Variants in TRPV5 observed in about 807,000 individuals in gnomAD.
The protein encoded by TRPV5 is calcium transport protein 2.
TRPV5 carries 66 observed loss-of-function variants against 74.1 expected under a neutral mutation model. The ratio of observed to expected loss-of-function variants is 0.89; its 90% CI spans 0.73 to 1.09. The LOEUF (loss-of-function observed/expected upper bound fraction) is 1.09. Ranked by LOEUF, TRPV5 falls within the 50% of genes least tolerant of loss-of-function variation. The probability of loss-of-function intolerance (pLI) is 0.00; values close to 1 mark genes in which losing one functional copy is unlikely to be tolerated. For synonymous variants in TRPV5, 399 were observed against 360.7 expected, an observed-to-expected ratio of 1.11 and a Z score of -1.20; for missense variants, 936 against 930.4, an observed-to-expected ratio of 1.01 and a Z score of -0.08.
Position 142,933,687 on chromosome 7 carries a change from T to C in TRPV5, c.-228A>G, listed in dbSNP as rs1586233118. 1 of 579,828 alleles carries C rather than the reference T, an allele frequency of 1.7e-6. No homozygotes were observed. Among genetic ancestry groups the C allele is most frequent in the African/African-American group, 1.9e-5 (1 of 52,798 alleles). 35.9% of individuals were successfully genotyped at this position (579,828 alleles called of 1,614,324 possible). ...ACAGTGTGTGGCTGTGGTGTATGTG[T>C]GTGCATGCAGTGTGTGGTTGTGAGG... On this transcript the variant is annotated 5_prime_UTR_variant, in exon 1 of 15. Transcript: ENST00000265310.
In TRPV5 at chr7:142,925,510, C is replaced by G. The variant is rs751384098; in HGVS notation, c.1122+19G>C. The G allele has an allele frequency of 6.2e-7, 1 of 1,612,980 alleles. No homozygotes were observed. Among genetic ancestry groups the G allele is most frequent in the Admixed American group, 1.7e-5 (1 of 60,012 alleles). ...CCCCTTGATGCAATTCTCTCTCATCCCCTTCTGAGGAGAATCACCTGTAGT... is the reference window on the plus strand; with the variant it reads ...CCCCTTGATGCAATTCTCTCTCATCGCCTTCTGAGGAGAATCACCTGTAGT... On this transcript the variant is annotated intron_variant, in intron 8 of 14. Transcript: ENST00000265310.
intron 1 of TRPV5, among the ~76,000 whole-genome samples, chr7:142,931,699 T>TTTTA (rs1408075148): frequency 1.3e-5 from 2 of 152,126 alleles, no homozygotes; most frequent in Admixed American, 1.3e-4. Flanking sequence ...AGTGTTTTTA[T>TTTTA]TTTATTTATT....
intron 13 of TRPV5, among the ~76,000 whole-genome samples, chr7:142,911,252 A>T (rs1022443374): frequency 6.6e-6 from 1 of 152,218 alleles, no homozygotes; most frequent in Non-Finnish European, 1.5e-5. Flanking sequence ...GATGTAATGT[A>T]TAAGATGTGG....
In TRPV5 at chr7:142,930,045, G is replaced by A; in HGVS notation, c.349+13C>T. ...CAAAGTTTCCACCTTGAATTACCAT[G>A]TAGGCTCCTTACCTGCAAAAGCCTC... On this transcript the variant is annotated intron_variant, in intron 3 of 14. Transcript: ENST00000265310. 1.9e-6 allele frequency: 3 copies of A among 1,613,854 alleles called. No individual in the cohort carries two copies. The highest frequency in any genetic ancestry group is 2.5e-6 in the Non-Finnish European group (3 of 1,179,922).
intron 8 of TRPV5, among the ~76,000 whole-genome samples, chr7:142,917,783 G>T (rs118171413): frequency 6.6e-6 from 1 of 152,168 alleles, no homozygotes; most frequent in Non-Finnish European, 1.5e-5. Flanking sequence ...AGGCTGCAAA[G>T]TGCCACAGAC....
Position 142,930,441 on chromosome 7 carries a change from A to T in TRPV5, c.134T>A (p.Leu45Gln). The T allele has an allele frequency of 6.2e-7, 1 of 1,613,676 alleles. No individual in the cohort carries two copies. The highest frequency in any genetic ancestry group is 8.5e-7 in the Non-Finnish European group (1 of 1,179,512). Residue 45 changes from leucine (L) to glutamine (Q), a missense_variant, in exon 2 of 15, where the codon CTA (leucine) becomes CAA (glutamine). Leu to Gln is a moderately radical substitution (Grantham distance 113). Transcript: ENST00000265310. ...GGATGCTCGAAGCAGTGGAGACTCT[A>T]GAATCCTGGGGAAAGGTGAACGTGA... is the stretch of plus-strand genomic sequence containing the variant. ...KLHMLQQKRI[L>Q]ESPLLRASKE... is the part of the protein sequence containing the mutation.
chr7:142,933,251 G>A, intron 1 of TRPV5, 81 bp downstream of exon 1: 5 of 1,556,528 alleles, frequency 3.2e-6, no homozygotes, highest in African/African-American at 1.4e-5. Flanking sequence ...CTAGGGTGCT[G>A]TATTCGGAAA....
chr7:142,924,352 AG>A (rs1795943937), intron 8 of TRPV5, among the ~76,000 whole-genome samples: 1 of 3,398 alleles, frequency 2.9e-4, no homozygotes, highest in Non-Finnish European at 7.7e-4. Context: ...ATATATATAT[AG>A]ACATATACAT....
chr7:142,916,263 T>G (rs1586217462), intron 8 of TRPV5, among the ~76,000 whole-genome samples: 1 of 152,188 alleles, frequency 6.6e-6, no homozygotes, highest in Non-Finnish European at 1.5e-5. Context: ...AGAGACACTA[T>G]GAGGAAGGGT....
Position 142,933,428 on chromosome 7 carries a change from G to A in TRPV5, c.32C>T (p.Pro11Leu), listed in dbSNP as rs749997927. The A allele has an allele frequency of 4.3e-6, 7 of 1,613,970 alleles. No individual in the cohort carries two copies. Among genetic ancestry groups the A allele is most frequent in the Non-Finnish European group, 5.1e-6 (6 of 1,179,998 alleles). Residue 11 changes from proline (P) to leucine (L), a missense_variant, in exon 1 of 15, where the codon CCC becomes CTC. Coordinates refer to ENST00000265310, the MANE Select transcript of TRPV5 (RefSeq NM_019841.7). ...CAGAAGTTTCTGGAGTTGGCTCCCG[G>A]GCCCTTCTGCCTTAGGTAGAAAACC... MGGFLPKAEG[P>L]GSQLQKLLPS...
Position 142,933,704 on chromosome 7 carries a change from G to C in TRPV5, c.-245C>G. On this transcript the variant is annotated 5_prime_UTR_variant, in exon 1 of 15. Coordinates refer to ENST00000265310, the MANE Select transcript of TRPV5 (RefSeq NM_019841.7). The stretch of plus-strand genomic sequence containing the variant: ...TGTATGTGTGTGCATGCAGTGTGTG[G>C]TTGTGAGGTGGTGTGTGTGCATGCA... 1.9e-6 allele frequency: 1 copy of C among 519,720 alleles called. No homozygotes were observed. The allele number at this position is 519,720 out of a possible 1,614,324, so 32.2% of individuals were successfully genotyped here. A position where few individuals can be genotyped will look rare whatever the true frequency, so the allele number is the denominator to read the frequency against.
At chr7:142,930,309 C>T in intron 2 of TRPV5, 40 bp downstream of exon 2, 2 of 1,609,356 alleles carry the variant, frequency 1.2e-6, no homozygotes, top group East Asian at 2.2e-5. Flanking sequence ...GGAGTAGGTT[C>T]TTCTGCCCCC....
chr7:142,908,431 A>C lies in TRPV5; in HGVS notation c.*83T>G, dbSNP rs1289273443. On this transcript the variant is annotated 3_prime_UTR_variant, in exon 15 of 15. Transcript: ENST00000265310. ...CATGATTAACAGGCACAGAAGTTAG[A>C]CACTTGCATAGGCAGAGGTCTCCGT... 7 of 1,466,790 alleles carry C rather than the reference A, an allele frequency of 4.8e-6. No homozygotes were observed. Among genetic ancestry groups the C allele is most frequent in the Non-Finnish European group, 6.6e-6 (7 of 1,065,400 alleles). 90.9% of individuals were successfully genotyped at this position (1,466,790 alleles called of 1,614,324 possible).
In TRPV5 at chr7:142,928,247, C is replaced by G. The variant is rs1796021488; in HGVS notation, c.763-13G>C. 1.2e-6 allele frequency: 2 copies of G among 1,614,086 alleles called. No homozygotes were observed. The highest frequency in any genetic ancestry group is 2.7e-5 in the African/African-American group (2 of 75,030). On this transcript the variant is annotated splice_polypyrimidine_tract_variant and intron_variant, in intron 6 of 14. Transcript: ENST00000265310. ...GGTGCTGGAACATCTGAGAGACCAC[C>G]AGGATGAGTCAGGGGGCCAACGTGT...
At chr7:142,929,377 C>T in intron 4 of TRPV5, 51 bp downstream of exon 4, 1 of 1,596,128 alleles carries the variant, frequency 6.3e-7, no homozygotes, top group Non-Finnish European at 8.6e-7. Context: ...CCTCCCTCTG[C>T]CTTGCCCGCC....
chr7:142,915,388 G>A lies in TRPV5; in HGVS notation c.1210-5C>T, dbSNP rs749820253. ...AACCCTGAAGATGTCTGGAATCTGG[G>A]GAGAGGACGGCAAAGCAAAAATACA... On this transcript the variant is annotated splice_polypyrimidine_tract_variant and splice_region_variant and intron_variant, in intron 9 of 14. Coordinates refer to ENST00000265310, the MANE Select transcript of TRPV5 (RefSeq NM_019841.7). 1.7e-5 allele frequency: 27 copies of A among 1,608,108 alleles called. No individual in the cohort carries two copies. Among genetic ancestry groups the A allele is most frequent in the Non-Finnish European group, 2.3e-5 (27 of 1,178,508 alleles).
At chr7:142,910,806 A>G (rs1395306451) in intron 13 of TRPV5, among the ~76,000 whole-genome samples, 3 of 152,296 alleles carry the variant, frequency 2.0e-5, no homozygotes, top group Non-Finnish European at 4.4e-5. Flanking sequence ...CTCGGGTAAC[A>G]GCACCCATTT....
At chr7:142,929,700 G>T (rs1053071885) in intron 3 of TRPV5, 135 bp from the exon 4 acceptor site, 1 of 1,375,934 alleles carries the variant, frequency 7.3e-7, no homozygotes, top group Non-Finnish European at 9.8e-7. Flanking sequence ...TGGCAGGGTG[G>T]CCTGGGACTA....
rs775734971 is a variant in TRPV5, at chr7:142,912,710, C to A, written c.1560G>T (p.Leu520=). ...IIFQTEDPTS[L]GQFYDYPMAL... is the part of the protein sequence containing the mutation. ...CCATGGGGTAGTCATAGAATTGCCC[C>A]AGACTGGTTGGGTCCTCTGTCTGGA... The change falls in exon 13 of 15, where the codon CTG becomes CTT. Residue 520 remains leucine (L), a synonymous_variant. Coordinates refer to ENST00000265310, the MANE Select transcript of TRPV5 (RefSeq NM_019841.7). 3.1e-6 allele frequency: 5 copies of A among 1,614,200 alleles called. No individual in the cohort carries two copies. The highest frequency in any genetic ancestry group is 4.2e-6 in the Non-Finnish European group (5 of 1,180,032).
Sources: gnomAD v4.1 joint callset for allele counts (sites outside exome capture counted in the v4.1 genomes callset) on GRCh38, gnomAD v4.1.1 for gene constraint, MANE v1.5 for transcripts, NCBI Gene and HGNC (gene_info 2026-07-23, HGNC 2026-07-21) for gene names.